The following TEKT5 variants were observed in gnomAD, a reference collection of about 807,000 sequenced individuals.
TEKT5 encodes the protein tektin-5.
TEKT5 carries 52 observed loss-of-function variants against 48.7 expected under a neutral mutation model. The observed-to-expected ratio is 1.07, with a 90% CI of 0.86 to 1.35. The LOEUF (loss-of-function observed/expected upper bound fraction) is 1.35. TEKT5 is among the 40% of genes most tolerant of loss of function. The pLI, the probability that TEKT5 is intolerant of heterozygous loss-of-function variation, is 0.00. For synonymous variants in TEKT5, 318 were observed against 267.6 expected (o/e 1.19, Z -1.84); for missense variants, 831 against 641.6 (o/e 1.30, Z -3.19).
rs58089789 is a variant in TEKT5 at position 10,643,932 on chromosome 16, C to T, written c.1087-8014G>A. 9.6e-3 allele frequency among the ~76,000 whole-genome samples: 1,457 copies of T among 152,120 alleles called. 30 individuals carry two copies. The highest frequency in any genetic ancestry group is 0.034 in the African/African-American group (1,406 of 41,504). Reference sequence around the variant, plus strand: ...TGGCAGGCGCCTGTAATCCCAACTACGCGGGAGGCTGAGGCAGGAGAATTG... The same window carrying T: ...TGGCAGGCGCCTGTAATCCCAACTATGCGGGAGGCTGAGGCAGGAGAATTG... On this transcript the variant is annotated intron_variant, in intron 5 of 6. Coordinates refer to ENST00000283025, the MANE Select transcript of TEKT5 (RefSeq NM_144674.2).
chr16:10,639,347 T>C (rs1897959653), intron 5 of TEKT5, among the ~76,000 whole-genome samples: 1 of 152,114 alleles, frequency 6.6e-6, no homozygotes, highest in South Asian at 2.1e-4. Flanking sequence ...CAGTTGTACA[T>C]TCCAATATAT....
chr16:10,629,750 T>C (rs897764127), intron 6 of TEKT5, among the ~76,000 whole-genome samples: 7 of 113,532 alleles, frequency 6.2e-5, no homozygotes, highest in African/African-American at 2.4e-4. Flanking sequence ...GGATAGTCCC[T>C]GCCAGCGGCC....
chr16:10,632,825 A>C (rs143380241), intron 6 of TEKT5, among the ~76,000 whole-genome samples: 169 of 151,916 alleles, frequency 1.1e-3, no homozygotes, highest in African/African-American at 4.0e-3. Flanking sequence ...TCAATTCCGA[A>C]GACAGCCATG....
intron 5 of TEKT5, 91 bp downstream of exon 5, chr16:10,675,868 A>G: frequency 7.6e-7 from 1 of 1,312,506 alleles, no homozygotes; most frequent in South Asian, 1.2e-5. Flanking sequence ...CACCAGGGGC[A>G]GGGCCAGCTT....
At chr16:10,667,261 G>C (rs967596016) in intron 5 of TEKT5, among the ~76,000 whole-genome samples, 1 of 152,176 alleles carries the variant, frequency 6.6e-6, no homozygotes, top group Non-Finnish European at 1.5e-5. Flanking sequence ...TGGGATTACA[G>C]GCATGAGCCA....
At chr16:10,641,059 C>G (rs2142264333) in intron 5 of TEKT5, among the ~76,000 whole-genome samples, 1 of 152,214 alleles carries the variant, frequency 6.6e-6, no homozygotes. Context: ...TCAAAGTTTT[C>G]CCCCAGGTTT....
At chr16:10,672,836 T>G (rs1227052469) in intron 5 of TEKT5, among the ~76,000 whole-genome samples, 1 of 151,922 alleles carries the variant, frequency 6.6e-6, no homozygotes, top group Non-Finnish European at 1.5e-5. Flanking sequence ...ACGGCAGTTA[T>G]TTTTTGTTTT....
At chr16:10,656,043 T>G (rs1473414746) in intron 5 of TEKT5, among the ~76,000 whole-genome samples, 3 of 152,220 alleles carry the variant, frequency 2.0e-5, no homozygotes, top group Non-Finnish European at 4.4e-5. Context: ...TCAGCACTAC[T>G]GACATTTTGA....
At chr16:10,637,705 C>G (rs1331941778) in intron 5 of TEKT5, among the ~76,000 whole-genome samples, 2 of 152,250 alleles carry the variant, frequency 1.3e-5, no homozygotes, top group Non-Finnish European at 1.5e-5. Context: ...GTAAGCTTTA[C>G]TGACTGTGAT....
chr16:10,642,613 G>A (rs566602126), intron 5 of TEKT5, among the ~76,000 whole-genome samples: 1 of 152,086 alleles, frequency 6.6e-6, no homozygotes, highest in African/African-American at 2.4e-5. Context: ...ATCATCTGTT[G>A]ATCTGTTGCC....
chr16:10,643,027 C>T (rs1898017153), intron 5 of TEKT5, among the ~76,000 whole-genome samples: 1 of 152,182 alleles, frequency 6.6e-6, no homozygotes, highest in South Asian at 2.1e-4. Context: ...ATGCAAGTTA[C>T]CCTGATCACT....
At chr16:10,635,604 C>A (rs1356605592) in intron 6 of TEKT5, among the ~76,000 whole-genome samples, 160 bp downstream of exon 6, 9 of 152,146 alleles carry the variant, frequency 5.9e-5, no homozygotes, top group Non-Finnish European at 5.9e-5. Flanking sequence ...CTCAGAACTC[C>A]ACCCACACCC....
rs1324670934 is a variant in TEKT5, at chr16:10,654,791, C to T, written c.1087-18873G>A. Among the ~76,000 whole-genome samples, 6 of 152,186 alleles carry T rather than the reference C, an allele frequency of 3.9e-5. No individual in the cohort carries two copies. In the East Asian group the frequency reaches 1.2e-3, roughly 29 times the overall value. ...TTCTCAGCCTCCATAACCTCACAAG[C>T]CAATTCCTACAACAAATCTCCTCTC... is the stretch of plus-strand genomic sequence containing the variant. On this transcript the variant is annotated intron_variant, in intron 5 of 6. Coordinates refer to ENST00000283025, the MANE Select transcript of TEKT5 (RefSeq NM_144674.2).
At chr16:10,680,075 C>T (rs918920823) in intron 4 of TEKT5, among the ~76,000 whole-genome samples, 6 of 152,302 alleles carry the variant, frequency 3.9e-5, no homozygotes, top group African/African-American at 1.4e-4. Context: ...TCTGGGGCTG[C>T]CAGGTTTCTG....
intron 5 of TEKT5, among the ~76,000 whole-genome samples, chr16:10,662,254 C>A (rs1898386077): frequency 6.6e-6 from 1 of 152,124 alleles, no homozygotes; most frequent in African/African-American, 2.4e-5. Context: ...GCCAAATGCC[C>A]CTGGGGGAAA....
intron 5 of TEKT5, among the ~76,000 whole-genome samples, chr16:10,664,360 A>C (rs2541516): frequency 0.43 from 65,297 of 151,720 alleles, 14,753 homozygotes; most frequent in East Asian, 0.64. Flanking sequence ...TAAAACTCAG[A>C]TCGCTAGACC....
chr16:10,686,901 C>G (rs1898870436), intron 3 of TEKT5, among the ~76,000 whole-genome samples: 1 of 151,996 alleles, frequency 6.6e-6, no homozygotes, highest in Non-Finnish European at 1.5e-5. Flanking sequence ...TACTACTCAG[C>G]CTTAAAAAAA....
At chr16:10,648,284 A>G (rs1300477587) in intron 5 of TEKT5, among the ~76,000 whole-genome samples, 1 of 152,144 alleles carries the variant, frequency 6.6e-6, no homozygotes, top group Non-Finnish European at 1.5e-5. Context: ...CCTATGCAGA[A>G]GGTTCTAGCA....
intron 5 of TEKT5, among the ~76,000 whole-genome samples, chr16:10,656,244 T>C (rs1166781709): frequency 2.0e-5 from 3 of 152,110 alleles, no homozygotes; most frequent in Non-Finnish European, 1.5e-5. Flanking sequence ...ACCACTGCTC[T>C]TGATTTATTT....
Sources: gnomAD v4.1 joint callset for allele counts (sites outside exome capture counted in the v4.1 genomes callset) on GRCh38, gnomAD v4.1.1 for gene constraint, MANE v1.5 for transcripts, NCBI Gene and HGNC (gene_info 2026-07-23, HGNC 2026-07-21) for gene names.